The following WDR59 variants were observed in gnomAD, a reference collection of about 807,000 sequenced individuals.
WDR59 encodes the protein WD repeat domain 59, also known as GATOR2 complex protein WDR59.
WDR59 carries 100 observed loss-of-function variants against 131.2 expected under a neutral mutation model. The ratio of observed to expected loss-of-function variants is 0.76; its 90% CI spans 0.65 to 0.90. The LOEUF is 0.90. Ranked by LOEUF, WDR59 falls within the 40% of genes least tolerant of loss-of-function variation. The pLI is 0.00. For missense variants in WDR59, 1,203 were observed against 1,262.2 expected (o/e 0.95, Z 0.71); for synonymous variants, 601 against 466.2 (o/e 1.29, Z -3.72).
At chr16:74,960,020 T>C (rs1479837801) in intron 2 of WDR59, among the ~76,000 whole-genome samples, 1 of 152,054 alleles carries the variant, frequency 6.6e-6, no homozygotes, top group Non-Finnish European at 1.5e-5. Flanking sequence ...TTTTTAAATC[T>C]GAAAGTAGTG....
At chr16:74,948,334 G>A (rs1463264371) in intron 6 of WDR59, among the ~76,000 whole-genome samples, 185 bp downstream of exon 6, 1 of 152,166 alleles carries the variant, frequency 6.6e-6, no homozygotes, top group Non-Finnish European at 1.5e-5. Context: ...GCTTCTGGGA[G>A]CAGCCTAAAG....
At chr16:74,911,153 C>T (rs1199306063) in intron 14 of WDR59, among the ~76,000 whole-genome samples, 1 of 152,124 alleles carries the variant, frequency 6.6e-6, no homozygotes, top group Non-Finnish European at 1.5e-5. Flanking sequence ...AGTGAGCCAC[C>T]GCACCCGGAA....
chr16:74,905,165 C>A (rs571036864), intron 17 of WDR59, among the ~76,000 whole-genome samples: 1 of 150,910 alleles, frequency 6.6e-6, no homozygotes, highest in Non-Finnish European at 1.5e-5. Flanking sequence ...TACCTGAGGT[C>A]GGGAGTTCAA....
intron 18 of WDR59, chr16:74,899,577 G>T: frequency 2.7e-6 from 2 of 752,506 alleles, no homozygotes; most frequent in Non-Finnish European, 1.9e-6. Context: ...ACTGTTGCTG[G>T]TCCTGAAAAC....
intron 25 of WDR59, among the ~76,000 whole-genome samples, chr16:74,880,309 T>C (rs1288288171): frequency 6.6e-6 from 1 of 151,302 alleles, no homozygotes; most frequent in Non-Finnish European, 1.5e-5. Context: ...TAGCCAGGAG[T>C]GGTGGCAGGC....
At chr16:74,936,342 A>T in intron 8 of WDR59, among the ~76,000 whole-genome samples, 1 of 152,116 alleles carries the variant, frequency 6.6e-6, no homozygotes, top group East Asian at 1.9e-4. Context: ...TATAAAGAAA[A>T]AATATATAAA....
At chr16:74,948,595 A>T (rs763932273) in intron 5 of WDR59, 39 bp from the exon 6 acceptor site, 1 of 1,515,374 alleles carries the variant, frequency 6.6e-7, no homozygotes, top group Non-Finnish European at 9.2e-7. Flanking sequence ...CCCAATTTAT[A>T]TGCCACCACC....
chr16:74,920,068 CAA>C (rs71378717), intron 10 of WDR59, among the ~76,000 whole-genome samples: 42,122 of 120,618 alleles, frequency 0.35, 7,466 homozygotes, highest in East Asian at 0.64. Flanking sequence ...GACCCTATCT[CAA>C]AAAAAAAAAA....
At chr16:74,960,587 C>T (rs1339519401) in intron 2 of WDR59, among the ~76,000 whole-genome samples, 1 of 150,778 alleles carries the variant, frequency 6.6e-6, no homozygotes, top group East Asian at 2.0e-4. Context: ...TCTAATAAAA[C>T]TACAAAAATT....
intron 14 of WDR59, among the ~76,000 whole-genome samples, chr16:74,911,705 CAT>C (rs1177972210): frequency 6.6e-6 from 1 of 152,168 alleles, no homozygotes; most frequent in African/African-American, 2.4e-5. Context: ...TATGACCTTA[CAT>C]ATGTTTTTTT....
chr16:74,966,453 C>A (rs1220664890), intron 1 of WDR59, among the ~76,000 whole-genome samples: 1 of 151,996 alleles, frequency 6.6e-6, no homozygotes, highest in Non-Finnish European at 1.5e-5. Context: ...GCACTCCAGC[C>A]TGGGCAACAG....
At chr16:74,984,530 C>G (rs4630577) in intron 1 of WDR59, 56,642 of 201,540 alleles carry the variant, frequency 0.28, 9,360 homozygotes, top group East Asian at 0.73. Flanking sequence ...ACTTTGCAAA[C>G]AGTGTTTCAT....
At chr16:74,913,076 G>T (rs1026975913) in intron 13 of WDR59, among the ~76,000 whole-genome samples, 5 of 149,758 alleles carry the variant, frequency 3.3e-5, no homozygotes, top group East Asian at 2.0e-4. Flanking sequence ...ATTTTGGGGG[G>T]GGGGGGGGCC....
chr16:74,924,294 A>G (rs980826454), intron 8 of WDR59, among the ~76,000 whole-genome samples: 1 of 152,218 alleles, frequency 6.6e-6, no homozygotes, highest in Non-Finnish European at 1.5e-5. Context: ...GAAAATTCAG[A>G]GTGACGTGTT....
In WDR59 at chr16:74,916,215, C is replaced by T. The variant is rs779972031; in HGVS notation, c.1011G>A (p.Glu337=). The part of the protein sequence containing the change: ...DILDGVDEFI[E]SISLLPEPEK... ...CAGGTTCCGGCAGAAGGGAAATACT[C>T]TCAATGAACTCATCAACACCATCTA... The change falls in exon 12 of 26, where the codon GAG becomes GAA. Residue 337 remains glutamate, a synonymous_variant. Transcript: ENST00000262144. 5.6e-6 allele frequency: 9 copies of T among 1,613,902 alleles called. No homozygotes were observed. In the East Asian group the frequency reaches 2.0e-4, roughly 36 times the overall value.
rs1479766961 is a variant in WDR59, at chr16:74,909,638, G to T, written c.1505C>A (p.Ser502Tyr). ...GTTGGGGAGTGCAAACGGGTTGCTG[G>T]AAGCGCTGTCTTCCTGGTTCTGAAA... ...ESFVNQEDSA[S>Y]SNPFALPNSV... Residue 502 changes from serine (S) to tyrosine (Y), a missense_variant, in exon 16 of 26, where the codon TCC becomes TAC. Physicochemically the swap from Ser to Tyr is moderately radical, Grantham distance 144. Transcript: ENST00000262144. 6.3e-7 allele frequency: 1 copy of T among 1,583,696 alleles called. No individual in the cohort carries two copies. Among genetic ancestry groups the T allele is most frequent in the Non-Finnish European group, 8.6e-7 (1 of 1,167,948 alleles).
intron 18 of WDR59, among the ~76,000 whole-genome samples, chr16:74,903,029 T>TA (rs1435214210): frequency 2.0e-5 from 3 of 152,308 alleles, no homozygotes; most frequent in African/African-American, 7.2e-5. Context: ...AACCCTAAAA[T>TA]AAAGTCAGAG....
chr16:74,911,858 T>G (rs1966109635), intron 14 of WDR59: 2 of 448,630 alleles, frequency 4.5e-6, no homozygotes, highest in Non-Finnish European at 4.0e-6. Flanking sequence ...GAATGCATAG[T>G]ATTAATGAGA....
At chr16:74,909,971 T>TTG in intron 14 of WDR59, 54 bp from the exon 15 acceptor site, 1 of 1,194,386 alleles carries the variant, frequency 8.4e-7, no homozygotes, top group Non-Finnish European at 1.1e-6. Context: ...TCTGATAGGT[T>TTG]TTTTTTTTTT....
Sources: allele counts gnomAD v4.1 joint callset (sites outside exome capture counted in the v4.1 genomes callset), GRCh38; gene constraint gnomAD v4.1.1; transcripts MANE v1.5; gene names NCBI Gene and HGNC (gene_info 2026-07-23, HGNC 2026-07-21).